The following COMMD10 variants were observed in gnomAD, a reference collection of about 807,000 sequenced individuals.
COMMD10 encodes the protein COMM domain-containing protein 10.
Under a neutral mutation model 28.9 loss-of-function variants are expected in COMMD10, and 33 were observed. The ratio of observed to expected loss-of-function variants is 1.14; its 90% CI spans 0.87 to 1.53. The LOEUF is 1.53. Ranked by LOEUF, COMMD10 falls within the 40% of genes most tolerant of loss-of-function variation. The pLI is 0.00. For missense variants in COMMD10, 310 were observed against 233.4 expected (o/e 1.33, Z -2.14); for synonymous variants, 110 against 81.7 (o/e 1.35, Z -1.87).
chr5:116,141,722 G>A (rs1752202772), intron 5 of COMMD10, among the ~76,000 whole-genome samples: 1 of 151,704 alleles, frequency 6.6e-6, no homozygotes, highest in East Asian at 1.9e-4. Flanking sequence ...GAAAGTGGGA[G>A]CACATAAATA....
rs1230417559 is a variant in COMMD10, at chr5:116,137,933, C to T, written c.510+3755C>T. Among the ~76,000 whole-genome samples the T allele has an allele frequency of 4.6e-5, 7 of 152,052 alleles. No individual in the cohort carries two copies. In the East Asian group the frequency reaches 1.4e-3, roughly 29 times the overall value. ...AAAGTGAGATTATTTTCCTGTTCCA[C>T]AGATACCTCAAATCGAGTTTTCTGA... is the stretch of plus-strand genomic sequence containing the variant. On this transcript the variant is annotated intron_variant, in intron 5 of 6. Coordinates refer to ENST00000274458, the MANE Select transcript of COMMD10 (RefSeq NM_016144.4).
chr5:116,250,345 G>A (rs1337139202), intron 5 of COMMD10, among the ~76,000 whole-genome samples: 1 of 151,556 alleles, frequency 6.6e-6, no homozygotes, highest in Non-Finnish European at 1.5e-5. Flanking sequence ...ATATGAATAT[G>A]AACAATTTAT....
In COMMD10 at chr5:116,085,051, A is replaced by C; in HGVS notation, c.-2A>C. 1 of 1,608,664 alleles carries C rather than the reference A, an allele frequency of 6.2e-7. No homozygotes were observed. On this transcript the variant is annotated 5_prime_UTR_variant, in exon 1 of 7. Transcript: ENST00000274458. Reference sequence around the variant, plus strand: ...GACGGCGGCAGTGCGAGAAAGCCGAAGATGGCGGTCCCCGCGGCGCTGATC... The same window carrying C: ...GACGGCGGCAGTGCGAGAAAGCCGACGATGGCGGTCCCCGCGGCGCTGATC...
At chr5:116,190,265 G>A (rs183987660) in intron 5 of COMMD10, among the ~76,000 whole-genome samples, 4 of 152,220 alleles carry the variant, frequency 2.6e-5, no homozygotes, top group Non-Finnish European at 4.4e-5. Context: ...AGTAGAAAAT[G>A]TTATGAAACT....
intron 2 of COMMD10, among the ~76,000 whole-genome samples, 196 bp from the exon 3 acceptor site, chr5:116,090,878 TTAATC>T (rs1272393303): frequency 1.3e-5 from 2 of 152,242 alleles, no homozygotes; most frequent in Non-Finnish European, 2.9e-5. Context: ...AGATATTTGT[TTAATC>T]TAATTTATTT....
At chr5:116,283,013 A>G in intron 5 of COMMD10, among the ~76,000 whole-genome samples, 1 of 151,988 alleles carries the variant, frequency 6.6e-6, no homozygotes, top group Non-Finnish European at 1.5e-5. Context: ...AGATTAGAGA[A>G]GATTCTGTAG....
chr5:116,272,588 C>T (rs2112698735), intron 5 of COMMD10, among the ~76,000 whole-genome samples: 1 of 151,890 alleles, frequency 6.6e-6, no homozygotes, highest in East Asian at 1.9e-4. Context: ...CTCTTGGTAG[C>T]CATTGTTCTG....
intron 5 of COMMD10, among the ~76,000 whole-genome samples, chr5:116,159,794 GA>G (rs768476712): frequency 4.6e-5 from 7 of 152,142 alleles, no homozygotes; most frequent in Non-Finnish European, 8.8e-5. Context: ...GTGAAAAAAG[GA>G]ATGCATGGTC....
chr5:116,245,458 G>A (rs1749916781), intron 5 of COMMD10, among the ~76,000 whole-genome samples: 1 of 150,674 alleles, frequency 6.6e-6, no homozygotes, highest in African/African-American at 2.4e-5. Context: ...TATTTCAAAA[G>A]TTGATGAGCA....
Position 116,087,536 on chromosome 5 carries a change from A to C in COMMD10, c.81A>C (p.Thr27=), listed in dbSNP as rs144736357. The C allele has an allele frequency of 3.1e-6, 5 of 1,612,896 alleles. No individual in the cohort carries two copies. In the African/African-American group the frequency reaches 6.7e-5, roughly 22 times the overall value. ...KAVSLINAID[T]GRFPRLLTRI... ...TGTCACTGATAAATGCAATAGATAC[A>C]GGAAGATTTCCACGGTTGCTCACTC... Residue 27 remains threonine, a synonymous_variant, in exon 2 of 7, where the codon ACA becomes ACC. Transcript: ENST00000274458.
chr5:116,130,637 C>A (rs1401470832), intron 4 of COMMD10, among the ~76,000 whole-genome samples: 1 of 151,920 alleles, frequency 6.6e-6, no homozygotes, highest in African/African-American at 2.4e-5. Flanking sequence ...CTATACTTTT[C>A]ATTCAGTTAT....
At chr5:116,247,101 A>C (rs1007679250) in intron 5 of COMMD10, among the ~76,000 whole-genome samples, 2 of 152,022 alleles carry the variant, frequency 1.3e-5, no homozygotes, top group African/African-American at 4.8e-5. Context: ...TCTAGTATCT[A>C]TACGGAACTT....
intron 5 of COMMD10, among the ~76,000 whole-genome samples, chr5:116,198,102 C>A (rs535435149): frequency 6.6e-6 from 1 of 152,182 alleles, no homozygotes; most frequent in Non-Finnish European, 1.5e-5. Context: ...CAGTTTATAG[C>A]CTTAAGTTAT....
At chr5:116,149,988 A>G (rs1752467018) in intron 5 of COMMD10, among the ~76,000 whole-genome samples, 1 of 152,086 alleles carries the variant, frequency 6.6e-6, no homozygotes, top group Non-Finnish European at 1.5e-5. Flanking sequence ...TTATGGTTTT[A>G]GGTCTAACGT....
At position 116,191,843 on chromosome 5, in the gene COMMD10, A is replaced by C. The variant is rs558853069; in HGVS notation, c.510+57665A>C. Among the ~76,000 whole-genome samples the C allele has an allele frequency of 6.6e-5, 10 of 151,962 alleles. 1 individual carries two copies. The South Asian group carries it at 2.1e-3, about 32-fold the overall frequency. ...CTGGCAGGAGGCCAACCAGCACTAAAATAGAGCATTAAACCACCAAAGCTA... is the reference window on the plus strand; with the variant it reads ...CTGGCAGGAGGCCAACCAGCACTAACATAGAGCATTAAACCACCAAAGCTA... On this transcript the variant is annotated intron_variant, in intron 5 of 6. Coordinates refer to ENST00000274458, the MANE Select transcript of COMMD10 (RefSeq NM_016144.4).
chr5:116,232,475 A>G (rs987699713), intron 5 of COMMD10, among the ~76,000 whole-genome samples: 1 of 152,138 alleles, frequency 6.6e-6, no homozygotes, highest in Non-Finnish European at 1.5e-5. Flanking sequence ...GGACCTCGGC[A>G]TAAGTGTTCA....
At position 116,103,239 on chromosome 5, in the gene COMMD10, T is replaced by G. The variant is rs530974351; in HGVS notation, c.399+10539T>G. On this transcript the variant is annotated intron_variant, in intron 4 of 6. Transcript: ENST00000274458. ...TTATAGTTCTAGATCCTTGAGGAATTGCCACACTGTCTTCCACAATGGTTG... is the reference window on the plus strand; with the variant it reads ...TTATAGTTCTAGATCCTTGAGGAATGGCCACACTGTCTTCCACAATGGTTG... 1.9e-3 allele frequency among the ~76,000 whole-genome samples: 292 copies of G among 152,294 alleles called. 2 individuals carry two copies. Among genetic ancestry groups the G allele is most frequent in the African/African-American group, 6.6e-3 (276 of 41,562 alleles).
At chr5:116,101,331 G>C (rs1360665691) in intron 4 of COMMD10, among the ~76,000 whole-genome samples, 1 of 152,002 alleles carries the variant, frequency 6.6e-6, no homozygotes, top group Non-Finnish European at 1.5e-5. Context: ...GTTTTCCATA[G>C]AGTTCCCTTT....
chr5:116,190,124 G>C (rs1291417799), intron 5 of COMMD10, among the ~76,000 whole-genome samples: 2 of 152,138 alleles, frequency 1.3e-5, no homozygotes, highest in Admixed American at 1.3e-4. Context: ...AGCTATTGCA[G>C]CTTCAAGCAC....
Sources: gnomAD v4.1 joint callset for allele counts (sites outside exome capture counted in the v4.1 genomes callset) on GRCh38, gnomAD v4.1.1 for gene constraint, MANE v1.5 for transcripts, NCBI Gene and HGNC (gene_info 2026-07-23, HGNC 2026-07-21) for gene names.